NCOA3: variants seen among roughly 807,000 people sequenced by gnomAD.
NCOA3 encodes the protein CBP-interacting protein.
In NCOA3, 51 loss-of-function variants were observed where a neutral mutation model predicts 158.8. The ratio of observed to expected loss-of-function variants is 0.32; its 90% CI spans 0.26 to 0.41. The LOEUF (loss-of-function observed/expected upper bound fraction) is 0.41, where lower values mean the gene tolerates loss of function less well. Ranked by LOEUF, NCOA3 falls within the 10% of genes least tolerant of loss-of-function variation. NCOA3 has a pLI of 1.00. For missense variants in NCOA3, 1,510 were observed against 1,746.6 expected (o/e 0.86, Z 2.41); for synonymous variants, 537 against 592.4 (o/e 0.91, Z 1.36).
intron 1 of NCOA3, among the ~76,000 whole-genome samples, chr20:47,582,317 A>T (rs1188256355): frequency 6.6e-6 from 1 of 152,130 alleles, no homozygotes; most frequent in Non-Finnish European, 1.5e-5. Context: ...AATTCAGGTG[A>T]TTCTCCTGCC....
chr20:47,516,180 C>A lies in NCOA3; in HGVS notation c.-99+14161C>A, dbSNP rs79340686. Among the ~76,000 whole-genome samples, 862 of 152,238 alleles carry A rather than the reference C, an allele frequency of 5.7e-3. 12 individuals are homozygous for A. The highest frequency in any genetic ancestry group is 0.019 in the African/African-American group (802 of 41,538). The stretch of plus-strand genomic sequence containing the variant: ...TACCAGGAGTAAACTCTAATGTGAA[C>A]TACACACTCTGGATGATAATGATGC... On this transcript the variant is annotated intron_variant, in intron 1 of 22. Coordinates refer to ENST00000371998, the MANE Select transcript of NCOA3 (RefSeq NM_181659.3).
chr20:47,585,033 AC>A (rs1394082484), intron 2 of NCOA3, among the ~76,000 whole-genome samples: 1 of 131,908 alleles, frequency 7.6e-6, no homozygotes, highest in Non-Finnish European at 1.6e-5. Flanking sequence ...ATTTCATCTA[AC>A]CCCTTTCTTA....
chr20:47,649,369 G>A (rs963229929), intron 19 of NCOA3, among the ~76,000 whole-genome samples: 3 of 152,122 alleles, frequency 2.0e-5, no homozygotes, highest in Non-Finnish European at 4.4e-5. Context: ...GTGATCAGTT[G>A]CTGTACTGTG....
chr20:47,511,550 T>TATATATATATATATATATATATATAC lies in NCOA3; in HGVS notation c.-99+9537_-99+9538insATATATATATATATATATACATATAT. On this transcript the variant is annotated intron_variant, in intron 1 of 22. Coordinates refer to ENST00000371998, the MANE Select transcript of NCOA3 (RefSeq NM_181659.3). Reference sequence around the variant, plus strand: ...ATATATATATATATATATATATATATATATATTTCTTTTTTTTTTTGAGAC... The same window carrying TATATATATATATATATATATATATAC: ...ATATATATATATATATATATATATATATATATATATATATATATATATATACATATATTTCTTTTTTTTTTTGAGAC... Among the ~76,000 whole-genome samples the TATATATATATATATATATATATATAC allele has an allele frequency of 2.7e-4, 14 of 52,268 alleles. 1 individual carries two copies. Among genetic ancestry groups the TATATATATATATATATATATATATAC allele is most frequent in the East Asian group, 8.6e-4 (1 of 1,168 alleles). The allele number at this position is 52,268 out of a possible 152,430, so 34.3% of individuals were successfully genotyped here.
At chr20:47,648,208 T>G (rs1471703029) in intron 18 of NCOA3, among the ~76,000 whole-genome samples, 1 of 151,884 alleles carries the variant, frequency 6.6e-6, no homozygotes, top group Non-Finnish European at 1.5e-5. Context: ...TGCGGCCAAA[T>G]GCCTGAGTTT....
At position 47,595,695 on chromosome 20, in the gene NCOA3, G is replaced by C. The variant is rs965669443; in HGVS notation, c.-20+12434G>C. ...AGGCTTTTTTTTTTTTTAATTTTTT[G>C]GTGGGATTGGTTAAAAGCTTGGCTC... On this transcript the variant is annotated intron_variant, in intron 2 of 22. Coordinates refer to ENST00000371998, the MANE Select transcript of NCOA3 (RefSeq NM_181659.3). Among the ~76,000 whole-genome samples, 172 of 147,870 alleles carry C rather than the reference G, an allele frequency of 1.2e-3. 1 individual carries two copies. The highest frequency in any genetic ancestry group is 1.6e-3 in the Non-Finnish European group (104 of 66,918).
chr20:47,629,394 A>C (rs2146309503), intron 8 of NCOA3, among the ~76,000 whole-genome samples: 1 of 151,326 alleles, frequency 6.6e-6, no homozygotes, highest in South Asian at 2.1e-4. Context: ...CAATGGCATG[A>C]TCTCAGCTCA....
At position 47,513,748 on chromosome 20, in the gene NCOA3, T is replaced by A. The variant is rs867664156; in HGVS notation, c.-99+11729T>A. ...AAAAAAAAAAAAAAAAAAAAAAAAA[T>A]TATAAGCAACTGTAAATCAAACTGA... is the stretch of plus-strand genomic sequence containing the variant. On this transcript the variant is annotated intron_variant, in intron 1 of 22. Coordinates refer to ENST00000371998, the MANE Select transcript of NCOA3 (RefSeq NM_181659.3). Among the ~76,000 whole-genome samples the A allele has an allele frequency of 1.1e-3, 138 of 130,506 alleles. 2 individuals carry two copies. Among genetic ancestry groups the A allele is most frequent in the African/African-American group, 3.9e-3 (131 of 33,258 alleles). 85.6% of individuals were successfully genotyped at this position (130,506 alleles called of 152,430 possible).
chr20:47,627,500 A>T (rs2086342250), intron 6 of NCOA3, 61 bp from the exon 7 acceptor site: 1 of 1,302,814 alleles, frequency 7.7e-7, no homozygotes, highest in Non-Finnish European at 1.1e-6. Flanking sequence ...TGAATTCTTG[A>T]TGATGGTCAT....
chr20:47,536,428 G>T (rs2084633533), intron 1 of NCOA3, among the ~76,000 whole-genome samples: 1 of 152,156 alleles, frequency 6.6e-6, no homozygotes. Context: ...TATATGCAAA[G>T]CATCCTAGGA....
intron 2 of NCOA3, among the ~76,000 whole-genome samples, chr20:47,612,017 G>A (rs1241335147): frequency 1.3e-5 from 2 of 152,162 alleles, no homozygotes; most frequent in Non-Finnish European, 2.9e-5. Flanking sequence ...TGTAGAGACG[G>A]CGTTTTGCCA....
At chr20:47,539,671 A>G (rs1388129198) in intron 1 of NCOA3, among the ~76,000 whole-genome samples, 43 of 152,188 alleles carry the variant, frequency 2.8e-4, no homozygotes, top group Non-Finnish European at 2.9e-5. Flanking sequence ...GCTGCTAGCT[A>G]TTACCAAATT....
chr20:47,600,831 A>G (rs566844769), intron 2 of NCOA3, among the ~76,000 whole-genome samples: 26 of 152,096 alleles, frequency 1.7e-4, no homozygotes, highest in African/African-American at 6.3e-4. Context: ...AAAAAAAAAA[A>G]AAGATAGAAT....
intron 2 of NCOA3, among the ~76,000 whole-genome samples, chr20:47,616,875 T>A (rs918455009): frequency 2.0e-5 from 3 of 152,240 alleles, no homozygotes; most frequent in East Asian, 1.9e-4. Context: ...TAGGTCCTAA[T>A]TTCTTTTCTA....
chr20:47,647,768 A>G (rs886616295), intron 18 of NCOA3, among the ~76,000 whole-genome samples: 2 of 152,132 alleles, frequency 1.3e-5, no homozygotes, highest in Non-Finnish European at 2.9e-5. Context: ...GTCTTTTAAT[A>G]TTCTAAAATA....
intron 20 of NCOA3, 104 bp downstream of exon 20, chr20:47,651,380 C>G (rs2086792594): frequency 4.7e-6 from 7 of 1,486,614 alleles, no homozygotes; most frequent in African/African-American, 1.4e-5. Flanking sequence ...GATTCACTCC[C>G]TCTTTACTTC....
chr20:47,651,819 C>T (rs1423885330), intron 20 of NCOA3, among the ~76,000 whole-genome samples: 2 of 151,754 alleles, frequency 1.3e-5, no homozygotes, highest in African/African-American at 2.4e-5. Flanking sequence ...CATTCCACCA[C>T]CCCCGGCTGT....
chr20:47,621,654 AT>A lies in NCOA3; in HGVS notation c.-19-558del, dbSNP rs749582388. On this transcript the variant is annotated intron_variant, in intron 2 of 22. Coordinates refer to ENST00000371998, the MANE Select transcript of NCOA3 (RefSeq NM_181659.3). ...AGCATACTATTTTTCCATCAGTCAA[AT>A]TTTTTTTTTTTTTTTTGAGACGGAG... Among the ~76,000 whole-genome samples the A allele has an allele frequency of 2.4e-3, 293 of 119,728 alleles. 4 individuals are homozygous for A. The highest frequency in any genetic ancestry group is 2.2e-3 in the Admixed American group (25 of 11,386). 78.5% of individuals were successfully genotyped at this position (119,728 alleles called of 152,430 possible).
At chr20:47,634,009 T>C (rs371051389) in intron 9 of NCOA3, 39 bp from the exon 10 acceptor site, 1 of 1,611,126 alleles carries the variant, frequency 6.2e-7, no homozygotes, top group African/African-American at 1.3e-5. Context: ...TTTGTTTTGC[T>C]GACTGTAGTT....
Sources: allele counts gnomAD v4.1 joint callset (sites outside exome capture counted in the v4.1 genomes callset), GRCh38; gene constraint gnomAD v4.1.1; transcripts MANE v1.5; gene names NCBI Gene and HGNC (gene_info 2026-07-23, HGNC 2026-07-21).